The following ACP3 variants were observed in gnomAD, a reference collection of about 807,000 sequenced individuals.
ACP3 encodes acid phosphatase 3, also known as prostatic acid phosphatase.
Under a neutral mutation model 45.6 loss-of-function variants are expected in ACP3, and 38 were observed. The ratio of observed to expected loss-of-function variants is 0.83; its 90% CI spans 0.64 to 1.09. ACP3 has a LOEUF of 1.09. ACP3 is among the 50% of genes least tolerant of loss of function. ACP3 has a pLI of 0.00. For missense variants in ACP3, 466 were observed against 463.2 expected, an observed-to-expected ratio of 1.01 and a Z score of -0.05; for synonymous variants, 162 against 164.7, an observed-to-expected ratio of 0.98 and a Z score of 0.13.
rs16839110 is a variant in ACP3 at position 132,335,252 on chromosome 3, T to C, written c.457-2204T>C. Among the ~76,000 whole-genome samples the C allele has an allele frequency of 7.2e-4, 110 of 152,218 alleles. 1 individual carries two copies. The East Asian group carries it at 0.02, about 28-fold the overall frequency. On this transcript the variant is annotated intron_variant, in intron 4 of 9. Transcript: ENST00000336375. ...TTCGGTATTACGCACATGTGATGAG[T>C]GGTGCTTTTGGGCACTTGCCTGACA...
intron 4 of ACP3, chr3:132,332,612 CAGAGAGAGAGAG>C: frequency 2.8e-6 from 1 of 357,432 alleles, no homozygotes; most frequent in Non-Finnish European, 5.2e-6. Context: ...TCGTCATACA[CAGAGAGAGAGAG>C]AGAGGGAGAG....
chr3:132,363,875 T>C (rs1938087289), intron 10 of ACP3, among the ~76,000 whole-genome samples: 1 of 151,860 alleles, frequency 6.6e-6, no homozygotes, highest in Non-Finnish European at 1.5e-5. Flanking sequence ...AGGCGGAGGT[T>C]GCAGTGAACC....
Position 132,324,218 on chromosome 3 carries a change from CA to C in ACP3, c.121-4030del, listed in dbSNP as rs35597004. ...GGGCAACAAGAGCAGGACTCCATCT[CA>C]AAAAAAAAAAAAAAAAAACTCCACT... On this transcript the variant is annotated intron_variant, in intron 1 of 9. Transcript: ENST00000336375. Among the ~76,000 whole-genome samples the C allele has an allele frequency of 4.5e-3, 334 of 73,974 alleles. 1 individual carries two copies. Among genetic ancestry groups the C allele is most frequent in the East Asian group, 0.015 (37 of 2,400 alleles). 48.5% of individuals were successfully genotyped at this position (73,974 alleles called of 152,430 possible).
chr3:132,342,604 T>A lies in ACP3; in HGVS notation c.608T>A (p.Phe203Tyr). ...TCAGGATTACATGGCCAGGACCTTT[T>A]TGGAATTTGGAGTAAAGTCTACGAC... is the stretch of plus-strand genomic sequence containing the variant. ...KLSGLHGQDL[F>Y]GIWSKVYDPL... is the part of the protein sequence containing the mutation. Residue 203 changes from phenylalanine to tyrosine, a missense_variant, in exon 6 of 10, where the codon TTT becomes TAT. Phe to Tyr is a conservative substitution (Grantham distance 22). Transcript: ENST00000336375. 6.2e-7 allele frequency: 1 copy of A among 1,613,018 alleles called. No individual in the cohort carries two copies. The highest frequency in any genetic ancestry group is 1.3e-5 in the African/African-American group (1 of 75,000).
At chr3:132,338,026 G>T (rs1937516996) in intron 5 of ACP3, among the ~76,000 whole-genome samples, 1 of 151,628 alleles carries the variant, frequency 6.6e-6, no homozygotes, top group Non-Finnish European at 1.5e-5. Flanking sequence ...CATTCATACT[G>T]TCCAAAAATT....
At position 132,358,620 on chromosome 3, in the gene ACP3, C is replaced by T. The variant is rs1244667723; in HGVS notation, c.*1742C>T. The stretch of plus-strand genomic sequence containing the variant: ...TTGGTCACAGAATGACTGACAAAGA[C>T]ATCGATTGATATGCTTCTTTGTGTT... On this transcript the variant is annotated 3_prime_UTR_variant, in exon 10 of 10. Coordinates refer to ENST00000336375, the MANE Select transcript of ACP3 (RefSeq NM_001099.5). 13 of 1,059,410 alleles carry T rather than the reference C, an allele frequency of 1.2e-5. No individual in the cohort carries two copies. Among genetic ancestry groups the T allele is most frequent in the Non-Finnish European group, 1.4e-5 (12 of 866,516 alleles). 65.6% of individuals were successfully genotyped at this position (1,059,410 alleles called of 1,614,324 possible).
At chr3:132,367,134 A>T (rs929425997) in intron 10 of ACP3, among the ~76,000 whole-genome samples, 2 of 152,244 alleles carry the variant, frequency 1.3e-5, no homozygotes, top group Admixed American at 6.5e-5. Context: ...TTAGCATCTC[A>T]TTACGAAATG....
intron 2 of ACP3, among the ~76,000 whole-genome samples, chr3:132,330,961 G>A (rs897324700): frequency 6.6e-6 from 1 of 152,194 alleles, no homozygotes; most frequent in Admixed American, 6.5e-5. Context: ...TTTTGTTTCT[G>A]ATGCACGGTA....
At position 132,357,049 on chromosome 3, in the gene ACP3, CTGCCCCCACT is replaced by C; in HGVS notation, c.*176_*185del. On this transcript the variant is annotated 3_prime_UTR_variant, in exon 10 of 10. Transcript: ENST00000336375. ...GCAATTCCTACCTCTTCACCTGACC[CTGCCCCCACT>C]TGCCATAAAACTTAGCTAAGTTTTG... 2 of 1,362,110 alleles carry C rather than the reference CTGCCCCCACT, an allele frequency of 1.5e-6. No homozygotes were observed. Among genetic ancestry groups the C allele is most frequent in the Non-Finnish European group, 1.9e-6 (2 of 1,060,150 alleles). 84.4% of individuals were successfully genotyped at this position (1,362,110 alleles called of 1,614,324 possible). A position where few individuals can be genotyped will look rare whatever the true frequency, so the allele number is the denominator to read the frequency against.
intron 5 of ACP3, among the ~76,000 whole-genome samples, chr3:132,341,575 T>C (rs1260239119): frequency 6.6e-6 from 1 of 152,222 alleles, no homozygotes; most frequent in Non-Finnish European, 1.5e-5. Flanking sequence ...TAGTTTTATT[T>C]TGGGGGCAAT....
At chr3:132,349,541 T>C (rs944041109) in intron 7 of ACP3, among the ~76,000 whole-genome samples, 3 of 152,178 alleles carry the variant, frequency 2.0e-5, no homozygotes, top group Admixed American at 2.0e-4. Flanking sequence ...GAATTATCTT[T>C]TATGATCTGA....
At chr3:132,340,919 G>T (rs995844876) in intron 5 of ACP3, among the ~76,000 whole-genome samples, 162 of 152,064 alleles carry the variant, frequency 1.1e-3, no homozygotes, top group African/African-American at 3.8e-3. Context: ...TTAATTTTTA[G>T]TATTTTCATT....
chr3:132,317,448 C>G lies in ACP3; in HGVS notation c.-9C>G, dbSNP rs1406001334. ...CTCCTAACTCCTGCCAGAAACAGCTCTCCTCAACATGAGAGCTGCACCCCT... is the reference window on the plus strand; with the variant it reads ...CTCCTAACTCCTGCCAGAAACAGCTGTCCTCAACATGAGAGCTGCACCCCT... On this transcript the variant is annotated 5_prime_UTR_variant, in exon 1 of 10. Coordinates refer to ENST00000336375, the MANE Select transcript of ACP3 (RefSeq NM_001099.5). 2 of 1,610,354 alleles carry G rather than the reference C, an allele frequency of 1.2e-6. No homozygotes were observed. The highest frequency in any genetic ancestry group is 4.5e-5 in the East Asian group (2 of 44,800).
chr3:132,366,540 C>T (rs1009477331), intron 10 of ACP3, among the ~76,000 whole-genome samples: 1 of 152,086 alleles, frequency 6.6e-6, no homozygotes, highest in African/African-American at 2.4e-5. Context: ...CCTAAGCCAA[C>T]AGAAGAAGGG....
At chr3:132,320,433 C>A (rs1369343047) in intron 1 of ACP3, among the ~76,000 whole-genome samples, 2 of 152,084 alleles carry the variant, frequency 1.3e-5, no homozygotes, top group African/African-American at 4.8e-5. Context: ...ATTTCATGCA[C>A]CATATCATCC....
chr3:132,356,981 G>C lies in ACP3; in HGVS notation c.*103G>C. On this transcript the variant is annotated 3_prime_UTR_variant, in exon 10 of 10. Transcript: ENST00000336375. ...TTACCCCCAGCTTTGAGGAAAATGGGCTTTGGATGATTATTTTATGTTTTA... is the reference window on the plus strand; with the variant it reads ...TTACCCCCAGCTTTGAGGAAAATGGCCTTTGGATGATTATTTTATGTTTTA... 1 of 1,439,042 alleles carries C rather than the reference G, an allele frequency of 6.9e-7. No individual in the cohort carries two copies. Among genetic ancestry groups the C allele is most frequent in the Non-Finnish European group, 9.1e-7 (1 of 1,096,658 alleles). 89.1% of individuals were successfully genotyped at this position (1,439,042 alleles called of 1,614,324 possible). A position where few individuals can be genotyped will look rare whatever the true frequency, so the allele number is the denominator to read the frequency against.
At chr3:132,343,269 T>C (rs1371323914) in intron 6 of ACP3, among the ~76,000 whole-genome samples, 1 of 152,204 alleles carries the variant, frequency 6.6e-6, no homozygotes, top group African/African-American at 2.4e-5. Flanking sequence ...GGCAAGATTC[T>C]GACCACCCAC....
At chr3:132,351,526 GA>G (rs1444119064) in intron 8 of ACP3, among the ~76,000 whole-genome samples, 2 of 152,186 alleles carry the variant, frequency 1.3e-5, no homozygotes, top group African/African-American at 4.8e-5. Flanking sequence ...GGTGACTGAA[GA>G]TGCCAGGAAG....
downstream of ACP3, among the ~76,000 whole-genome samples, chr3:132,359,424 C>G (rs1271251647): frequency 6.6e-6 from 1 of 152,122 alleles, no homozygotes; most frequent in African/African-American, 2.4e-5. Flanking sequence ...AGGAGAATGG[C>G]GTGAACCCGG....
Sources: allele counts gnomAD v4.1 joint callset (sites outside exome capture counted in the v4.1 genomes callset), GRCh38; gene constraint gnomAD v4.1.1; transcripts MANE v1.5; gene names NCBI Gene and HGNC (gene_info 2026-07-23, HGNC 2026-07-21).